The following TLK1 variants were observed in gnomAD, a reference collection of about 807,000 sequenced individuals.
TLK1 encodes the protein serine/threonine-protein kinase tousled-like 1.
TLK1 carries 24 observed loss-of-function variants against 105.3 expected under a neutral mutation model. The ratio of observed to expected loss-of-function variants is 0.23; its 90% CI spans 0.17 to 0.32. The LOEUF is 0.32. TLK1 is among the 10% of genes least tolerant of loss of function. The pLI, the probability that TLK1 is intolerant of heterozygous loss-of-function variation, is 1.00. For synonymous variants in TLK1, 321 were observed against 310.4 expected (o/e 1.03, Z -0.36); for missense variants, 558 against 910.5 (o/e 0.61, Z 4.98).
At chr2:171,042,736 A>T (rs750316444) in intron 11 of TLK1, among the ~76,000 whole-genome samples, 2 of 152,112 alleles carry the variant, frequency 1.3e-5, no homozygotes, top group Non-Finnish European at 2.9e-5. Context: ...GGTTAGAGAG[A>T]ACTTCCTTTT....
chr2:171,052,924 T>C (rs142938943), intron 8 of TLK1, among the ~76,000 whole-genome samples: 1 of 152,210 alleles, frequency 6.6e-6, no homozygotes, highest in Non-Finnish European at 1.5e-5. Context: ...AAACTACCAA[T>C]GTCCAAGACC....
intron 12 of TLK1, 71 bp from the exon 13 acceptor site, chr2:171,015,019 G>A (rs1051699844): frequency 7.6e-6 from 9 of 1,184,544 alleles, no homozygotes; most frequent in Non-Finnish European, 1.0e-5. Flanking sequence ...TTTTACCCAT[G>A]CATCAATGTT....
rs1687377116 is a variant in TLK1 at position 171,054,048 on chromosome 2, C to T, written c.640-195G>A. 8 of 407,994 alleles carry T rather than the reference C, an allele frequency of 2.0e-5. No homozygotes were observed. In the South Asian group the frequency reaches 3.5e-4, roughly 18 times the overall value. The allele number at this position is 407,994 out of a possible 1,614,324, so 25.3% of individuals were successfully genotyped here. A position where few individuals can be genotyped will look rare whatever the true frequency, so the allele number is the denominator to read the frequency against. On this transcript the variant is annotated intron_variant, in intron 7 of 20. Coordinates refer to ENST00000431350, the MANE Select transcript of TLK1 (RefSeq NM_012290.5). ...ATGCTACAGACTTACCAAGAAACAT[C>T]TAGAAAGGCCAATTACTTAGAATAC...
chr2:171,035,740 A>C (rs1038726285), intron 11 of TLK1, among the ~76,000 whole-genome samples: 1 of 152,130 alleles, frequency 6.6e-6, no homozygotes, highest in Non-Finnish European at 1.5e-5. Context: ...GTGTGCCCAG[A>C]GGGAAGGGGA....
intron 2 of TLK1, among the ~76,000 whole-genome samples, chr2:171,097,646 C>T (rs1025644487): frequency 1.3e-5 from 2 of 151,958 alleles, no homozygotes; most frequent in Admixed American, 1.3e-4. Flanking sequence ...AATAGGCGGC[C>T]GGGTGTGGTG....
intron 2 of TLK1, among the ~76,000 whole-genome samples, chr2:171,087,853 G>A (rs1388078366): frequency 1.3e-5 from 2 of 152,180 alleles, no homozygotes; most frequent in Non-Finnish European, 2.9e-5. Flanking sequence ...AGGCACAGCT[G>A]AGAAAACAGA....
chr2:171,193,991 T>A (rs1693212672), intron 1 of TLK1, among the ~76,000 whole-genome samples: 1 of 152,132 alleles, frequency 6.6e-6, no homozygotes, highest in Non-Finnish European at 1.5e-5. Context: ...AGTGCTGGGA[T>A]TACAGGTGTG....
At chr2:171,141,214 T>C (rs1691560736) in intron 1 of TLK1, among the ~76,000 whole-genome samples, 1 of 152,168 alleles carries the variant, frequency 6.6e-6, no homozygotes, top group Non-Finnish European at 1.5e-5. Context: ...TCTGAGAATT[T>C]TCCAAAACTG....
chr2:171,041,412 C>T (rs187266940), intron 11 of TLK1, among the ~76,000 whole-genome samples: 19 of 152,260 alleles, frequency 1.2e-4, no homozygotes, highest in Admixed American at 1.2e-3. Context: ...TCCTACCCAC[C>T]ACATCTGGAT....
chr2:171,132,696 T>A (rs571302769), intron 1 of TLK1, among the ~76,000 whole-genome samples: 1 of 152,232 alleles, frequency 6.6e-6, no homozygotes, highest in Middle Eastern at 3.4e-3. Context: ...TTGGGCCACA[T>A]AGTAAGACCT....
In TLK1 at chr2:170,993,756, T is replaced by C. The variant is rs1559328613; in HGVS notation, c.*24A>G. The stretch of plus-strand genomic sequence containing the variant: ...GTGCATCTGGAAGCAAATTCAAAGA[T>C]ATCATGCCAATCTTGGAGGAAAGTC... On this transcript the variant is annotated 3_prime_UTR_variant, in exon 21 of 21. Transcript: ENST00000431350. 9 of 1,513,432 alleles carry C rather than the reference T, an allele frequency of 5.9e-6. No homozygotes were observed. Among genetic ancestry groups the C allele is most frequent in the Non-Finnish European group, 8.0e-6 (9 of 1,127,558 alleles). 93.8% of individuals were successfully genotyped at this position (1,513,432 alleles called of 1,614,324 possible).
chr2:171,136,507 A>G (rs1020065010), intron 1 of TLK1, among the ~76,000 whole-genome samples: 8 of 152,204 alleles, frequency 5.3e-5, no homozygotes, highest in African/African-American at 1.9e-4. Context: ...CGGAGGTTGC[A>G]CCACTGCACT....
intron 1 of TLK1, among the ~76,000 whole-genome samples, chr2:171,124,497 T>C (rs1329878507): frequency 6.6e-6 from 1 of 152,214 alleles, no homozygotes; most frequent in Admixed American, 6.5e-5. Context: ...GTCAGGATAT[T>C]TGTCCTGTTT....
At chr2:171,163,061 G>A (rs1284450074), upstream of TLK1, among the ~76,000 whole-genome samples, 7 of 152,088 alleles carry the variant, frequency 4.6e-5, no homozygotes, top group Admixed American at 4.6e-4. Flanking sequence ...CAAAGTGCTG[G>A]GATTACAGGC....
At chr2:171,193,700 ATTTTTTTTTTT>A (rs35175399) in intron 1 of TLK1, among the ~76,000 whole-genome samples, 15 of 64,630 alleles carry the variant, frequency 2.3e-4, no homozygotes, top group South Asian at 5.7e-4. Flanking sequence ...AGCGCCTGGC[ATTTTTTTTTTT>A]TTTTTTTTTT....
In TLK1 at chr2:171,193,700, A is replaced by ATTTT. The variant is rs35175399; in HGVS notation, c.-6+37441_-6+37444dup. Among the ~76,000 whole-genome samples the ATTTT allele has an allele frequency of 3.1e-4, 20 of 64,626 alleles. 1 individual carries two copies. The highest frequency in any genetic ancestry group is 1.1e-3 in the South Asian group (2 of 1,756). The allele number at this position is 64,626 out of a possible 152,430, so 42.4% of individuals were successfully genotyped here. ...ATAGGCGTGAGCCACAGCGCCTGGC[A>ATTTT]TTTTTTTTTTTTTTTTTTTTTTTTT... is the stretch of plus-strand genomic sequence containing the variant. On this transcript the variant is annotated intron_variant, in intron 1 of 20. Coordinates refer to the TLK1 transcript ENST00000521943.
intron 8 of TLK1, 27 bp from the exon 9 acceptor site, chr2:171,050,201 G>A (rs1471029110): frequency 6.7e-7 from 1 of 1,499,296 alleles, no homozygotes; most frequent in Non-Finnish European, 9.1e-7. Flanking sequence ...AAATGCAAGA[G>A]GTCTAGACTG....
rs184372806 is a variant in TLK1 at position 171,174,322 on chromosome 2, A to G, written c.-5-56465T>C. On this transcript the variant is annotated intron_variant, in intron 1 of 20. Coordinates refer to the TLK1 transcript ENST00000521943. ...CTATTCTTTCCCCCACCCTTTTCCT[A>G]ATCTTATTTGCTTGACTCACCATTC... Among the ~76,000 whole-genome samples the G allele has an allele frequency of 3.8e-4, 58 of 151,918 alleles. 1 individual carries two copies. The highest frequency in any genetic ancestry group is 7.4e-5 in the Non-Finnish European group (5 of 67,974).
Position 170,993,808 on chromosome 2 carries a change from G to A in TLK1, c.2273C>T (p.Pro758Leu), listed in dbSNP as rs1157641075. ...GTAAGTAATTATGCTTGAAGAAGGG[G>A]GTGTAGGGGATGCTGTCAGCCCAGC... is the stretch of plus-strand genomic sequence containing the variant. Reference protein sequence around the residue: ...HMAGLTASPTPPSSSIITY With the variant: ...HMAGLTASPTLPSSSIITY The change falls in exon 21 of 21, where the codon CCC (proline) becomes CTC (leucine). Residue 758 changes from proline (P) to leucine (L), a missense_variant. Around this residue, in one of 5 missense-constraint regions of TLK1, gnomAD observed 27 missense variants for 22.5 expected, o/e 1.20. Transcript: ENST00000431350. The A allele has an allele frequency of 1.2e-6, 2 of 1,607,890 alleles. No homozygotes were observed. The highest frequency in any genetic ancestry group is 1.3e-5 in the African/African-American group (1 of 74,652).
Sources: allele counts gnomAD v4.1 joint callset (sites outside exome capture counted in the v4.1 genomes callset), GRCh38; gene constraint gnomAD v4.1.1; regional missense constraint gnomAD v4.1.1; transcripts MANE v1.5; gene names NCBI Gene and HGNC (gene_info 2026-07-23, HGNC 2026-07-21).